The following SUGCT variants were observed in gnomAD, a reference collection of about 807,000 sequenced individuals.
SUGCT encodes the protein succinyl-CoA:glutarate-CoA transferase.
A neutral mutation model predicts 55.0 loss-of-function variants in SUGCT; 41 were observed. The ratio of observed to expected loss-of-function variants is 0.74; its 90% CI spans 0.58 to 0.97. The LOEUF (loss-of-function observed/expected upper bound fraction) is 0.97. SUGCT is among the 50% of genes least tolerant of loss of function. SUGCT has a pLI of 0.00. For missense variants in SUGCT, 568 were observed against 547.8 expected (o/e 1.04, Z -0.37); for synonymous variants, 187 against 200.4 (o/e 0.93, Z 0.56).
chr7:40,534,494 C>T (rs1794253230), intron 12 of SUGCT, among the ~76,000 whole-genome samples: 1 of 152,136 alleles, frequency 6.6e-6, no homozygotes, highest in Non-Finnish European at 1.5e-5. Context: ...AAGCGATTCT[C>T]TTCCTCAGCC....
intron 9 of SUGCT, among the ~76,000 whole-genome samples, chr7:40,364,296 A>G (rs1783808372): frequency 1.3e-5 from 2 of 151,610 alleles, no homozygotes; most frequent in Non-Finnish European, 2.9e-5. Context: ...TTTTAATTGG[A>G]GCATTTAGTC....
At chr7:40,917,497 T>A in the SUGCT span, among the ~76,000 whole-genome samples, 1 of 152,204 alleles carries the variant, frequency 6.6e-6, no homozygotes, top group Non-Finnish European at 1.5e-5. Flanking sequence ...CCTCTCCTTT[T>A]GTGACCACAT....
chr7:40,635,022 AC>A (rs1378223498), intron 12 of SUGCT, among the ~76,000 whole-genome samples: 1 of 152,158 alleles, frequency 6.6e-6, no homozygotes, highest in Non-Finnish European at 1.5e-5. Flanking sequence ...GCGGTGGCTC[AC>A]CCCTGCAATC....
intron 11 of SUGCT, among the ~76,000 whole-genome samples, chr7:40,493,771 T>TA (rs1216272186): frequency 6.6e-6 from 1 of 152,220 alleles, no homozygotes; most frequent in Non-Finnish European, 1.5e-5. Flanking sequence ...AAATTTTTTT[T>TA]AGCAGAATTT....
chr7:40,471,108 G>A (rs879483299), intron 11 of SUGCT, among the ~76,000 whole-genome samples: 4 of 151,940 alleles, frequency 2.6e-5, no homozygotes, highest in Admixed American at 6.6e-5. Flanking sequence ...GTAATTGTTG[G>A]TTTCAACTTA....
chr7:40,157,012 CA>C (rs3046489), intron 1 of SUGCT, among the ~76,000 whole-genome samples: 208 of 116,796 alleles, frequency 1.8e-3, no homozygotes, highest in East Asian at 0.012. Context: ...AAGACTGTCT[CA>C]AAAAAAAAAA....
At chr7:41,023,225 G>A in the SUGCT span, among the ~76,000 whole-genome samples, 131 of 152,286 alleles carry the variant, frequency 8.6e-4, no homozygotes, top group African/African-American at 3.0e-3. Flanking sequence ...GGAGCTTTGA[G>A]GGACCTGCAG....
intron 6 of SUGCT, among the ~76,000 whole-genome samples, chr7:40,214,654 G>C (rs928211641): frequency 2.6e-5 from 4 of 152,110 alleles, no homozygotes; most frequent in African/African-American, 9.7e-5. Flanking sequence ...GGTGGCTCAT[G>C]CCTGTAATCC....
At chr7:40,435,827 C>T (rs1481729761) in intron 9 of SUGCT, among the ~76,000 whole-genome samples, 1 of 151,330 alleles carries the variant, frequency 6.6e-6, no homozygotes, top group South Asian at 2.1e-4. Flanking sequence ...GCCTGTGACT[C>T]TCTATATATC....
At chr7:40,873,837 T>C in the SUGCT span, among the ~76,000 whole-genome samples, 1 of 152,222 alleles carries the variant, frequency 6.6e-6, no homozygotes, top group African/African-American at 2.4e-5. Context: ...TGATGCATAA[T>C]AACTCATCCT....
At chr7:40,648,090 C>T (rs960874767) in intron 12 of SUGCT, among the ~76,000 whole-genome samples, 70 of 152,138 alleles carry the variant, frequency 4.6e-4, no homozygotes, top group African/African-American at 1.6e-3. Flanking sequence ...TCTAGAAAAG[C>T]GTTTTAACTG....
At chr7:40,549,123 C>A (rs1795166327) in intron 12 of SUGCT, among the ~76,000 whole-genome samples, 1 of 152,268 alleles carries the variant, frequency 6.6e-6, no homozygotes, top group Non-Finnish European at 1.5e-5. Flanking sequence ...CCTTCTTGTT[C>A]TCCTATTTCC....
At chr7:40,622,528 G>GTTTTTTTTTTTT (rs370877783) in intron 12 of SUGCT, among the ~76,000 whole-genome samples, 2 of 81,846 alleles carry the variant, frequency 2.4e-5, no homozygotes, top group African/African-American at 9.6e-5. Context: ...TGTTGTGGTT[G>GTTTTTTTTTTTT]TTTTTTTTTT....
chr7:40,869,429 A>G, the SUGCT span, among the ~76,000 whole-genome samples: 1 of 152,314 alleles, frequency 6.6e-6, no homozygotes, highest in East Asian at 1.9e-4. Flanking sequence ...TCCTACAACC[A>G]CAAGGAGCTG....
At chr7:40,769,429 A>G (rs939939588) in intron 13 of SUGCT, among the ~76,000 whole-genome samples, 4 of 152,218 alleles carry the variant, frequency 2.6e-5, no homozygotes, top group Non-Finnish European at 5.9e-5. Context: ...TAATTCAAGG[A>G]TGTTAACTTA....
intron 1 of SUGCT, among the ~76,000 whole-genome samples, chr7:40,162,235 T>G (rs1224242740): frequency 6.6e-6 from 1 of 152,152 alleles, no homozygotes; most frequent in Non-Finnish European, 1.5e-5. Context: ...TGAAAAGGAA[T>G]TATTTGCATA....
intron 6 of SUGCT, among the ~76,000 whole-genome samples, chr7:40,214,408 G>A (rs1005734471): frequency 2.0e-5 from 3 of 152,106 alleles, no homozygotes; most frequent in Non-Finnish European, 2.9e-5. Flanking sequence ...ATTTACAGCA[G>A]CCCCATGGGG....
intron 13 of SUGCT, among the ~76,000 whole-genome samples, chr7:40,847,407 C>CTTTTTTTTTTTTTTTTTTTTTTTTTT (rs1338885686): frequency 1.7e-5 from 2 of 117,888 alleles, no homozygotes; most frequent in African/African-American, 5.8e-5. Context: ...TCTTTTCTTT[C>CTTTTTTTTTTTTTTTTTTTTTTTTTT]TTTCTTTTTT....
At chr7:40,662,327 T>G (rs1467522231) in intron 12 of SUGCT, among the ~76,000 whole-genome samples, 1 of 152,238 alleles carries the variant, frequency 6.6e-6, no homozygotes, top group Admixed American at 6.5e-5. Context: ...CCTCACATCC[T>G]CTGTTCTCCT....
Sources: allele counts gnomAD v4.1 joint callset (sites outside exome capture counted in the v4.1 genomes callset), GRCh38; gene constraint gnomAD v4.1.1; transcripts MANE v1.5; gene names NCBI Gene and HGNC (gene_info 2026-07-23, HGNC 2026-07-21).